The following SORBS3 variants were observed in gnomAD, a reference collection of about 807,000 sequenced individuals.
SORBS3 encodes the protein vinexin.
A neutral mutation model predicts 98.0 loss-of-function variants in SORBS3; 69 were observed. That is an observed-to-expected ratio of 0.70 (90% CI 0.58 to 0.86). SORBS3 has a LOEUF of 0.86. Ranked by LOEUF, SORBS3 falls within the 40% of genes least tolerant of loss-of-function variation. The probability of loss-of-function intolerance (pLI) is 0.00; values close to 1 mark genes in which losing one functional copy is unlikely to be tolerated. For missense variants in SORBS3, 954 were observed against 908.5 expected (o/e 1.05, Z -0.64); for synonymous variants, 394 against 355.4 (o/e 1.11, Z -1.22).
Position 22,554,018 on chromosome 8 carries a change from G to A in SORBS3, c.-55-434G>A, listed in dbSNP as rs1021153805. ...GCCCGCAGGCAAGAGATGCCCACACGGCCTGGGGGAGGCAGAGGGAACTGA... is the reference window on the plus strand; with the variant it reads ...GCCCGCAGGCAAGAGATGCCCACACAGCCTGGGGGAGGCAGAGGGAACTGA... On this transcript the variant is annotated intron_variant, in intron 1 of 20. Coordinates refer to ENST00000240123, the MANE Select transcript of SORBS3 (RefSeq NM_005775.5). The surrounding 1 kb of genome is among the most constrained non-coding windows in gnomAD (Gnocchi z 6.5). Among the ~76,000 whole-genome samples the A allele has an allele frequency of 3.3e-5, 5 of 152,198 alleles. No individual in the cohort carries two copies. Among genetic ancestry groups the A allele is most frequent in the Admixed American group, 6.5e-5 (1 of 15,290 alleles).
Position 22,572,224 on chromosome 8 carries a change from C to T in SORBS3, c.1848-116C>T, listed in dbSNP as rs564314165. The T allele has an allele frequency of 2.9e-5, 24 of 817,140 alleles. No individual in the cohort carries two copies. In the South Asian group the frequency reaches 3.3e-4, roughly 11 times the overall value. The allele number at this position is 817,140 out of a possible 1,614,324, so 50.6% of individuals were successfully genotyped here. On this transcript the variant is annotated intron_variant, in intron 19 of 20. Coordinates refer to ENST00000240123, the MANE Select transcript of SORBS3 (RefSeq NM_005775.5). Reference sequence around the variant, plus strand: ...GCACAGGCTGAGTTGCTCTGAGGAGCTGGATCAGGGGCTAGTGAGAGCATG... The same window carrying T: ...GCACAGGCTGAGTTGCTCTGAGGAGTTGGATCAGGGGCTAGTGAGAGCATG...
chr8:22,552,029 C>T lies in SORBS3; in HGVS notation c.-56+7C>T, dbSNP rs908297573. Reference sequence around the variant, plus strand: ...CACCTGCTCGCCGGGGAAGGTAGGTCCGGGCAAGGAGGGGCGGGGAGTAGG... The same window carrying T: ...CACCTGCTCGCCGGGGAAGGTAGGTTCGGGCAAGGAGGGGCGGGGAGTAGG... On this transcript the variant is annotated splice_region_variant and intron_variant, in intron 1 of 20. Coordinates refer to ENST00000240123, the MANE Select transcript of SORBS3 (RefSeq NM_005775.5). The T allele has an allele frequency of 1.0e-6, 1 of 985,006 alleles. No homozygotes were observed. The highest frequency in any genetic ancestry group is 1.8e-5 in the African/African-American group (1 of 57,108). The allele number at this position is 985,006 out of a possible 1,614,324, so 61.0% of individuals were successfully genotyped here. A position where few individuals can be genotyped will look rare whatever the true frequency, so the allele number is the denominator to read the frequency against.
intron 6 of SORBS3, chr8:22,561,652 CG>C (rs989087247): frequency 1.3e-5 from 8 of 615,970 alleles, no homozygotes; most frequent in Middle Eastern, 2.8e-4. Context: ...ATCACCTACT[CG>C]GAGTTGTTTT....
intron 1 of SORBS3, among the ~76,000 whole-genome samples, chr8:22,552,520 TG>T (rs1840101671): frequency 6.6e-6 from 1 of 151,424 alleles, no homozygotes; most frequent in Admixed American, 6.6e-5. Context: ...GTTCCTGTGG[TG>T]GGGGGCGACA....
chr8:22,574,528 C>T, intron 20 of SORBS3, 139 bp from the exon 21 acceptor site: 1 of 787,336 alleles, frequency 1.3e-6, no homozygotes, highest in Non-Finnish European at 2.1e-6. Flanking sequence ...AGGAGGAGAG[C>T]AAATCCAATT....
chr8:22,566,231 G>C (rs1465905285), intron 12 of SORBS3, 114 bp from the exon 13 acceptor site: 101 of 1,360,894 alleles, frequency 7.4e-5, no homozygotes, highest in Non-Finnish European at 9.3e-5. Flanking sequence ...CCCGGGAGAC[G>C]CCCTGGGAGG....
intron 17 of SORBS3, among the ~76,000 whole-genome samples, chr8:22,569,889 T>C (rs1306191778): frequency 6.6e-6 from 1 of 152,180 alleles, no homozygotes; most frequent in Non-Finnish European, 1.5e-5. Context: ...TAGAGTTACA[T>C]ATATATTTTT....
Position 22,564,540 on chromosome 8 carries a change from T to C in SORBS3, c.816+19T>C. ...CATTGAGGTGAGTGCTGCAGGGTGC[T>C]GGGGACAGCAGCCTGATAAACCAGG... is the stretch of plus-strand genomic sequence containing the variant. On this transcript the variant is annotated intron_variant, in intron 10 of 20. Transcript: ENST00000240123. The C allele has an allele frequency of 6.2e-7, 1 of 1,613,886 alleles. No individual in the cohort carries two copies. The highest frequency in any genetic ancestry group is 8.5e-7 in the Non-Finnish European group (1 of 1,179,900).
At chr8:22,552,334 C>A (rs1017201490) in intron 1 of SORBS3, among the ~76,000 whole-genome samples, 1 of 152,194 alleles carries the variant, frequency 6.6e-6, no homozygotes, top group South Asian at 2.1e-4. Flanking sequence ...AGGGGCCTCT[C>A]CCCGCTCCCG....
At chr8:22,568,946 G>A (rs1354998605) in intron 16 of SORBS3, among the ~76,000 whole-genome samples, 1 of 152,216 alleles carries the variant, frequency 6.6e-6, no homozygotes, top group Non-Finnish European at 1.5e-5. Context: ...TTCTTCCAGG[G>A]AGCGTTCCCA....
chr8:22,557,922 G>A (rs1840217118), intron 4 of SORBS3, among the ~76,000 whole-genome samples: 1 of 152,200 alleles, frequency 6.6e-6, no homozygotes, highest in Non-Finnish European at 1.5e-5. Context: ...ACACTTCGAT[G>A]GAGATCTTGT....
chr8:22,575,183 GC>G lies in SORBS3; in HGVS notation c.*456del, dbSNP rs1221057567. On this transcript the variant is annotated 3_prime_UTR_variant, in exon 21 of 21. Coordinates refer to ENST00000240123, the MANE Select transcript of SORBS3 (RefSeq NM_005775.5). ...GGGGTTCCTCCCAGCACCCCAGCTT[GC>G]TGGCTGCCCTCTTTGCCTTCTGGCC... 1 of 318,066 alleles carries G rather than the reference GC, an allele frequency of 3.1e-6. No homozygotes were observed. Among genetic ancestry groups the G allele is most frequent in the Non-Finnish European group, 6.2e-6 (1 of 161,248 alleles). 19.7% of individuals were successfully genotyped at this position (318,066 alleles called of 1,614,324 possible).
chr8:22,566,286 G>A, intron 12 of SORBS3, 59 bp from the exon 13 acceptor site: 2 of 1,582,532 alleles, frequency 1.3e-6, no homozygotes, highest in Admixed American at 3.5e-5. Flanking sequence ...CGGTCTAGGG[G>A]TGACCAGGGT....
chr8:22,569,154 C>T lies in SORBS3; in HGVS notation c.1312C>T (p.Pro438Ser). The change falls in exon 17 of 21, where the codon CCC becomes TCC. Residue 438 changes from proline to serine, a missense_variant. Pro to Ser is a moderately conservative substitution (Grantham distance 74). Coordinates refer to ENST00000240123, the MANE Select transcript of SORBS3 (RefSeq NM_005775.5). The part of the protein sequence containing the change: ...IFPANYVEVL[P>S]ADEIPKPIKP... ...ATGACCTTTCTTCATGCAGGTGCTGCCCGCAGATGAGATCCCTAAGCCCAT... is the reference window on the plus strand; with the variant it reads ...ATGACCTTTCTTCATGCAGGTGCTGTCCGCAGATGAGATCCCTAAGCCCAT... 6.2e-7 allele frequency: 1 copy of T among 1,603,426 alleles called. No homozygotes were observed. Among genetic ancestry groups the T allele is most frequent in the Non-Finnish European group, 8.5e-7 (1 of 1,174,792 alleles).
intron 19 of SORBS3, 67 bp downstream of exon 19, chr8:22,571,888 C>A: frequency 8.9e-7 from 1 of 1,127,510 alleles, no homozygotes; most frequent in Non-Finnish European, 1.4e-6. Flanking sequence ...GCCCCATATT[C>A]CACCCTCCCC....
chr8:22,564,249 C>G (rs751666281), intron 8 of SORBS3, 34 bp from the exon 9 acceptor site: 2 of 1,557,698 alleles, frequency 1.3e-6, no homozygotes, highest in East Asian at 4.8e-5. Context: ...CAGTAGCCCT[C>G]TTCACAAGCT....
intron 16 of SORBS3, among the ~76,000 whole-genome samples, chr8:22,567,424 C>T (rs1840455361): frequency 6.6e-6 from 1 of 152,232 alleles, no homozygotes; most frequent in Admixed American, 6.5e-5. Context: ...ATTCGTGTCC[C>T]AGACTTTCAC....
intron 7 of SORBS3, among the ~76,000 whole-genome samples, 193 bp from the exon 8 acceptor site, chr8:22,563,793 AC>A (rs1840345653): frequency 1.3e-5 from 2 of 152,146 alleles, no homozygotes; most frequent in South Asian, 4.1e-4. Context: ...CATCCACTAA[AC>A]AGTAGAGCTG....
chr8:22,560,219 C>T (rs1048534484), intron 5 of SORBS3, among the ~76,000 whole-genome samples: 2 of 152,074 alleles, frequency 1.3e-5, no homozygotes, highest in African/African-American at 4.8e-5. Context: ...CACACACCTG[C>T]AGTCTCAGCT....
Sources: gnomAD v4.1 joint callset for allele counts (sites outside exome capture counted in the v4.1 genomes callset) on GRCh38, gnomAD v4.1.1 for gene constraint, Gnocchi (gnomAD v3.1) non-coding constraint, MANE v1.5 for transcripts, NCBI Gene and HGNC (gene_info 2026-07-23, HGNC 2026-07-21) for gene names.